Variants in CDC42BPB observed in about 807,000 individuals in gnomAD.
CDC42BPB encodes the protein serine/threonine-protein kinase MRCK beta.
A neutral mutation model predicts 214.9 loss-of-function variants in CDC42BPB; 37 were observed. The ratio of observed to expected loss-of-function variants is 0.17; its 90% CI spans 0.13 to 0.23. CDC42BPB has a LOEUF of 0.23. Among genes scored for constraint, CDC42BPB ranks in the 10% least tolerant of loss-of-function variants. CDC42BPB has a pLI of 1.00. For missense variants in CDC42BPB, 1,694 were observed against 2,227.0 expected (o/e 0.76, Z 4.82); for synonymous variants, 931 against 884.0 (o/e 1.05, Z -0.94).
chr14:103,053,723 C>A (rs918852274), intron 1 of CDC42BPB, among the ~76,000 whole-genome samples: 2 of 149,956 alleles, frequency 1.3e-5, no homozygotes, highest in Non-Finnish European at 1.5e-5. Flanking sequence ...GATCCCGCCA[C>A]TGCACTCCAG....
intron 24 of CDC42BPB, among the ~76,000 whole-genome samples, chr14:102,951,740 T>C (rs893378540): frequency 6.6e-6 from 1 of 151,992 alleles, no homozygotes; most frequent in African/African-American, 2.4e-5. Context: ...TAAGCTGAAA[T>C]TGAGCCACTG....
intron 26 of CDC42BPB, among the ~76,000 whole-genome samples, chr14:102,949,471 TTTC>T (rs1892378477): frequency 6.6e-6 from 1 of 151,890 alleles, no homozygotes; most frequent in Non-Finnish European, 1.5e-5. Flanking sequence ...GGCATGTGGT[TTTC>T]TTATGTTAAA....
chr14:103,025,506 T>TAA (rs796461752), intron 1 of CDC42BPB, among the ~76,000 whole-genome samples: 1 of 131,644 alleles, frequency 7.6e-6, no homozygotes, highest in Non-Finnish European at 1.6e-5. Flanking sequence ...TAGTACACAT[T>TAA]AAAAAAAAAA....
At chr14:103,025,435 T>G (rs903861188) in intron 1 of CDC42BPB, among the ~76,000 whole-genome samples, 1 of 150,656 alleles carries the variant, frequency 6.6e-6, no homozygotes, top group Non-Finnish European at 1.5e-5. Context: ...TCAAAAACTG[T>G]AAACTACCCA....
chr14:102,958,560 A>G (rs10138133), intron 21 of CDC42BPB, among the ~76,000 whole-genome samples: 25,374 of 152,054 alleles, frequency 0.17, 4,660 homozygotes, highest in African/African-American at 0.46. Context: ...TACAGGTTTC[A>G]AAGAGGAGGA....
intron 3 of CDC42BPB, 115 bp downstream of exon 3, chr14:103,008,357 G>T (rs1446810002): frequency 4.2e-6 from 3 of 722,892 alleles, no homozygotes; most frequent in Non-Finnish European, 7.5e-6. Context: ...CTCTGTCCGG[G>T]GGGCAGGGAG....
At chr14:103,044,453 T>G (rs1229948392) in intron 1 of CDC42BPB, among the ~76,000 whole-genome samples, 5 of 139,550 alleles carry the variant, frequency 3.6e-5, no homozygotes, top group African/African-American at 1.3e-4. Context: ...CACTGCAACC[T>G]CCACCTCCCG....
chr14:102,997,628 G>A (rs1273146922), intron 5 of CDC42BPB, among the ~76,000 whole-genome samples: 1 of 152,184 alleles, frequency 6.6e-6, no homozygotes. Flanking sequence ...TGTCCGGTAC[G>A]GAGCTTCATA....
intron 1 of CDC42BPB, among the ~76,000 whole-genome samples, chr14:103,039,970 A>T (rs1019249075): frequency 6.6e-6 from 1 of 152,248 alleles, no homozygotes; most frequent in Non-Finnish European, 1.5e-5. Flanking sequence ...TATAAAAATC[A>T]ATTTACCTCA....
intron 1 of CDC42BPB, among the ~76,000 whole-genome samples, chr14:103,041,019 T>C (rs1017573591): frequency 2.0e-5 from 3 of 152,174 alleles, no homozygotes; most frequent in Non-Finnish European, 2.9e-5. Context: ...CTTCCTAATT[T>C]GAAAACTTAC....
chr14:103,055,965 C>T (rs1888923647), intron 1 of CDC42BPB, among the ~76,000 whole-genome samples: 1 of 152,214 alleles, frequency 6.6e-6, no homozygotes, highest in Non-Finnish European at 1.5e-5. Flanking sequence ...TACGCATTTC[C>T]TCCTCCTACT....
At chr14:103,040,808 G>A (rs550979132) in intron 1 of CDC42BPB, among the ~76,000 whole-genome samples, 6 of 152,130 alleles carry the variant, frequency 3.9e-5, no homozygotes, top group African/African-American at 7.2e-5. Context: ...TCTTATGATC[G>A]TGGGACAAGA....
intron 1 of CDC42BPB, among the ~76,000 whole-genome samples, chr14:103,019,507 C>T (rs760836403): frequency 1.3e-5 from 2 of 152,190 alleles, no homozygotes; most frequent in Non-Finnish European, 2.9e-5. Context: ...CAGGGTTGAT[C>T]GCTGCTCCCC....
intron 21 of CDC42BPB, among the ~76,000 whole-genome samples, chr14:102,958,166 G>A (rs1305589415): frequency 1.3e-5 from 2 of 152,224 alleles, no homozygotes; most frequent in African/African-American, 2.4e-5. Flanking sequence ...GGGACGACAA[G>A]GGACACATGG....
At chr14:102,985,590 GA>G (rs1894209398) in intron 6 of CDC42BPB, among the ~76,000 whole-genome samples, 1 of 152,236 alleles carries the variant, frequency 6.6e-6, no homozygotes, top group Non-Finnish European at 1.5e-5. Flanking sequence ...TTTGTGGAAT[GA>G]AAATGAGCAA....
chr14:103,012,279 C>G (rs2139642716), intron 1 of CDC42BPB, 91 bp from the exon 2 acceptor site: 1 of 1,478,820 alleles, frequency 6.8e-7, no homozygotes, highest in Middle Eastern at 2.4e-4. Flanking sequence ...CTAAGTTATA[C>G]TTTTAAAAAA....
intron 1 of CDC42BPB, among the ~76,000 whole-genome samples, chr14:103,014,750 G>C (rs1162363770): frequency 2.0e-5 from 3 of 152,088 alleles, no homozygotes; most frequent in Admixed American, 6.6e-5. Context: ...CAGAGATCAG[G>C]AAACAGAACA....
chr14:103,041,516 G>A lies in CDC42BPB; in HGVS notation c.175+15483C>T, dbSNP rs923063505. 4.0e-5 allele frequency: 56 copies of A among 1,399,420 alleles called. No homozygotes were observed. In the African/African-American group the frequency reaches 7.0e-4, roughly 18 times the overall value. The allele number at this position is 1,399,420 out of a possible 1,614,324, so 86.7% of individuals were successfully genotyped here. On this transcript the variant is annotated intron_variant, in intron 1 of 36. Transcript: ENST00000361246. ...TGGAAGCCCCACTTCCACAAGGACT[G>A]GCAGCTGGCTCGTGGCCACATGGTT...
At chr14:103,033,123 G>C (rs1312154196) in intron 1 of CDC42BPB, among the ~76,000 whole-genome samples, 2 of 152,110 alleles carry the variant, frequency 1.3e-5, no homozygotes, top group African/African-American at 4.8e-5. Flanking sequence ...CCTTTTTGGG[G>C]AAAGGGAATA....
Sources: allele counts gnomAD v4.1 joint callset (sites outside exome capture counted in the v4.1 genomes callset), GRCh38; gene constraint gnomAD v4.1.1; transcripts MANE v1.5; gene names NCBI Gene and HGNC (gene_info 2026-07-23, HGNC 2026-07-21).